MITF: variants seen among roughly 807,000 people sequenced by gnomAD.
MITF encodes melanocyte inducing transcription factor.
MITF carries 17 observed loss-of-function variants against 60.5 expected under a neutral mutation model. The ratio of observed to expected loss-of-function variants is 0.28; its 90% CI spans 0.19 to 0.42. The LOEUF (loss-of-function observed/expected upper bound fraction) is 0.42, where lower values mean the gene tolerates loss of function less well. Ranked by LOEUF, MITF falls within the 10% of genes least tolerant of loss-of-function variation. The pLI, the probability that MITF is intolerant of heterozygous loss-of-function variation, is 1.00. For synonymous variants in MITF, 260 were observed against 248.5 expected (o/e 1.05, Z -0.43); for missense variants, 622 against 683.5 (o/e 0.91, Z 1.00).
chr3:69,780,942 C>T (rs531720990), intron 1 of MITF, among the ~76,000 whole-genome samples: 132 of 152,242 alleles, frequency 8.7e-4, no homozygotes, highest in African/African-American at 3.1e-3. Context: ...TTGGAGACAA[C>T]CTACCACTGA....
intron 7 of MITF, among the ~76,000 whole-genome samples, chr3:69,955,702 C>G: frequency 6.6e-6 from 1 of 152,024 alleles, no homozygotes; most frequent in East Asian, 1.9e-4. Context: ...GTAGTCCCAG[C>G]TACTTGGGAG....
intron 2 of MITF, among the ~76,000 whole-genome samples, chr3:69,904,920 C>T (rs2065065566): frequency 6.6e-6 from 1 of 151,984 alleles, no homozygotes; most frequent in Non-Finnish European, 1.5e-5. Flanking sequence ...TTAGCGCAAC[C>T]CATTCACAGT....
chr3:69,818,002 A>T (rs1457660535), intron 1 of MITF, among the ~76,000 whole-genome samples: 1 of 152,312 alleles, frequency 6.6e-6, no homozygotes, highest in Non-Finnish European at 1.5e-5. Flanking sequence ...TATTGTTAGG[A>T]TAAAACTTCG....
intron 9 of MITF, among the ~76,000 whole-genome samples, chr3:69,961,433 G>A (rs546150052): frequency 6.7e-6 from 1 of 149,616 alleles, no homozygotes; most frequent in East Asian, 2.0e-4. Flanking sequence ...GTGGCCGGGT[G>A]CGGTGGTTCA....
intron 1 of MITF, among the ~76,000 whole-genome samples, chr3:69,858,184 A>G (rs1203042243): frequency 6.6e-6 from 1 of 152,172 alleles, no homozygotes; most frequent in Non-Finnish European, 1.5e-5. Context: ...TACTATCAAC[A>G]TTAATATACA....
At chr3:69,892,328 T>C (rs963892336) in intron 2 of MITF, among the ~76,000 whole-genome samples, 13 of 152,216 alleles carry the variant, frequency 8.5e-5, no homozygotes, top group Admixed American at 3.9e-4. Context: ...CACAGCTAAA[T>C]TGACCGGAAG....
chr3:69,880,610 G>A (rs559745210), intron 2 of MITF, among the ~76,000 whole-genome samples: 2 of 151,868 alleles, frequency 1.3e-5, no homozygotes, highest in South Asian at 4.2e-4. Flanking sequence ...TTAACTCAAG[G>A]TTTTCTCTCT....
At chr3:69,786,816 AC>A (rs1448135262) in intron 1 of MITF, among the ~76,000 whole-genome samples, 1 of 152,230 alleles carries the variant, frequency 6.6e-6, no homozygotes, top group Non-Finnish European at 1.5e-5. Context: ...GTTGGAAATG[AC>A]CGAAAGTCCA....
chr3:69,881,811 C>T (rs1249744420), intron 2 of MITF, among the ~76,000 whole-genome samples: 1 of 151,962 alleles, frequency 6.6e-6, no homozygotes, highest in Non-Finnish European at 1.5e-5. Flanking sequence ...CATTATGATA[C>T]AGATTATATT....
intron 1 of MITF, among the ~76,000 whole-genome samples, chr3:69,790,811 A>G (rs534690877): frequency 2.6e-5 from 4 of 152,310 alleles, no homozygotes; most frequent in African/African-American, 4.8e-5. Context: ...AGTCCTAGGC[A>G]TGAAATTCAG....
chr3:69,902,722 C>G (rs2065019733), intron 2 of MITF, among the ~76,000 whole-genome samples: 1 of 152,072 alleles, frequency 6.6e-6, no homozygotes, highest in South Asian at 2.1e-4. Flanking sequence ...CACCCATAAC[C>G]TCTGGGACAC....
At chr3:69,853,219 G>A (rs919154573) in intron 1 of MITF, among the ~76,000 whole-genome samples, 6 of 152,028 alleles carry the variant, frequency 3.9e-5, no homozygotes, top group African/African-American at 1.4e-4. Flanking sequence ...GAATATCTGT[G>A]AGAACAGAGA....
chr3:69,744,555 A>G (rs1238711887), intron 1 of MITF, among the ~76,000 whole-genome samples: 1 of 152,236 alleles, frequency 6.6e-6, no homozygotes, highest in Non-Finnish European at 1.5e-5. Context: ...AAGTATTAGC[A>G]TGGCACCTGA....
intron 1 of MITF, among the ~76,000 whole-genome samples, chr3:69,812,753 A>G (rs764523195): frequency 6.6e-6 from 1 of 152,198 alleles, no homozygotes; most frequent in Non-Finnish European, 1.5e-5. Context: ...TCAGCAAAGA[A>G]CAAGAATTAG....
chr3:69,773,111 G>T (rs919225314), intron 1 of MITF, among the ~76,000 whole-genome samples: 4 of 152,196 alleles, frequency 2.6e-5, no homozygotes, highest in Non-Finnish European at 5.9e-5. Flanking sequence ...CAAAGAAGAT[G>T]AGGGAGTCAT....
intron 1 of MITF, among the ~76,000 whole-genome samples, chr3:69,830,532 C>T (rs1320702062): frequency 6.6e-6 from 1 of 152,136 alleles, no homozygotes; most frequent in Admixed American, 6.5e-5. Flanking sequence ...AACCCTGGCA[C>T]TTGCTACCTT....
At chr3:69,954,985 T>C (rs2066359805) in intron 7 of MITF, among the ~76,000 whole-genome samples, 1 of 152,244 alleles carries the variant, frequency 6.6e-6, no homozygotes, top group Admixed American at 6.5e-5. Context: ...ATTTGGAATT[T>C]ATTTGTTTGA....
Position 69,942,227 on chromosome 3 carries a change from A to G in MITF, c.762+896A>G, listed in dbSNP as rs186211650. ...GGGTATGGAGCTTCGGATTTGCAAG[A>G]TGAAAAATTCTGGAGATCTGTTTGA... On this transcript the variant is annotated intron_variant, in intron 5 of 9. Coordinates refer to ENST00000352241, the MANE Select transcript of MITF (RefSeq NM_001354604.2). 7.2e-4 allele frequency among the ~76,000 whole-genome samples: 109 copies of G among 152,314 alleles called. 1 individual carries two copies. The highest frequency in any genetic ancestry group is 3.4e-3 in the Middle Eastern group (1 of 294).
chr3:69,843,001 A>G (rs2063667646), intron 1 of MITF, among the ~76,000 whole-genome samples: 1 of 152,178 alleles, frequency 6.6e-6, no homozygotes, highest in Non-Finnish European at 1.5e-5. Context: ...TTTGGCATTG[A>G]CAACTTTCAG....
Sources: allele counts gnomAD v4.1 joint callset (sites outside exome capture counted in the v4.1 genomes callset), GRCh38; gene constraint gnomAD v4.1.1; transcripts MANE v1.5; gene names NCBI Gene and HGNC (gene_info 2026-07-23, HGNC 2026-07-21).